DOCK9: variants seen among roughly 807,000 people sequenced by gnomAD.
DOCK9 encodes dedicator of cytokinesis protein 9.
A neutral mutation model predicts 263.3 loss-of-function variants in DOCK9; 89 were observed. The observed-to-expected ratio is 0.34, with a 90% CI of 0.28 to 0.40. The LOEUF (loss-of-function observed/expected upper bound fraction) is 0.40, where lower values mean the gene tolerates loss of function less well. Among genes scored for constraint, DOCK9 ranks in the 10% least tolerant of loss-of-function variants. DOCK9 has a pLI of 1.00. For missense variants in DOCK9, 2,140 were observed against 2,603.4 expected, an observed-to-expected ratio of 0.82 and a Z score of 3.87; for synonymous variants, 976 against 973.1, an observed-to-expected ratio of 1.00 and a Z score of -0.06.
At chr13:98,868,507 T>A in intron 27 of DOCK9, 130 bp from the exon 28 acceptor site, 2 of 1,075,736 alleles carry the variant, frequency 1.9e-6, no homozygotes, top group Non-Finnish European at 2.6e-6. Flanking sequence ...CTCACACTTG[T>A]AACCCCAGCA....
chr13:99,034,201 A>T lies in DOCK9; in HGVS notation c.129+52022T>A, dbSNP rs528298204. Among the ~76,000 whole-genome samples, 7 of 152,152 alleles carry T rather than the reference A, an allele frequency of 4.6e-5. No individual in the cohort carries two copies. The East Asian group carries it at 1.2e-3, about 25-fold the overall frequency. On this transcript the variant is annotated intron_variant, in intron 1 of 32. Transcript: ENST00000427887. Reference sequence around the variant, plus strand: ...GGATGAATTCATTCCAACTGGTTAAAACCATATTCCAAATTTGCTTCCTCC... The same window carrying T: ...GGATGAATTCATTCCAACTGGTTAATACCATATTCCAAATTTGCTTCCTCC...
chr13:98,966,945 C>G (rs2059262204), intron 1 of DOCK9, among the ~76,000 whole-genome samples: 1 of 152,226 alleles, frequency 6.6e-6, no homozygotes, highest in African/African-American at 2.4e-5. Flanking sequence ...TACACATTCA[C>G]CCCAGGCCCA....
At chr13:98,855,578 T>A (rs977677979) in intron 34 of DOCK9, among the ~76,000 whole-genome samples, 2 of 151,784 alleles carry the variant, frequency 1.3e-5, no homozygotes, top group Non-Finnish European at 2.9e-5. Flanking sequence ...TCTCAAAAAA[T>A]AAATAAATAA....
Position 98,867,309 on chromosome 13 carries a change from TTCA to T in DOCK9, c.3286+113_3286+115del, listed in dbSNP as rs1250622531. ...GGAAATTTCATAAGAAAAAAATTAA[TTCA>T]TCAATGAAAAAAATCAGAAAATTCA... On this transcript the variant is annotated intron_variant, in intron 30 of 52. Transcript: ENST00000682017. 8 of 680,662 alleles carry T rather than the reference TTCA, an allele frequency of 1.2e-5. No homozygotes were observed. The African/African-American group carries it at 1.5e-4, about 12-fold the overall frequency. 42.2% of individuals were successfully genotyped at this position (680,662 alleles called of 1,614,324 possible).
intron 1 of DOCK9, chr13:99,015,540 A>G (rs1444897382): frequency 6.3e-7 from 1 of 1,598,228 alleles, no homozygotes; most frequent in Non-Finnish European, 8.5e-7. Flanking sequence ...GTTTGCACAT[A>G]TAAGCACAGT....
At chr13:98,945,575 G>C (rs1771617679) in intron 2 of DOCK9, among the ~76,000 whole-genome samples, 1 of 151,914 alleles carries the variant, frequency 6.6e-6, no homozygotes, top group African/African-American at 2.4e-5. Context: ...TAGGACCTTG[G>C]GTCACTCACT....
At chr13:98,934,730 C>A (rs1460504596) in intron 2 of DOCK9, among the ~76,000 whole-genome samples, 1 of 152,148 alleles carries the variant, frequency 6.6e-6, no homozygotes, top group Non-Finnish European at 1.5e-5. Flanking sequence ...CAAGTCAATG[C>A]CACGAAAGAG....
intron 38 of DOCK9, 73 bp from the exon 39 acceptor site, chr13:98,837,682 G>A (rs1449610570): frequency 2.1e-6 from 2 of 935,224 alleles, no homozygotes; most frequent in Non-Finnish European, 3.1e-6. Flanking sequence ...GGTAGGCACA[G>A]TCAACTTTTG....
intron 1 of DOCK9, among the ~76,000 whole-genome samples, chr13:98,995,183 G>A (rs758708788): frequency 5.9e-5 from 9 of 152,188 alleles, no homozygotes; most frequent in Non-Finnish European, 7.3e-5. Flanking sequence ...GGAAATCTTT[G>A]TTTGCAGACT....
chr13:99,021,373 C>T (rs890717185), intron 1 of DOCK9, among the ~76,000 whole-genome samples: 1 of 152,184 alleles, frequency 6.6e-6, no homozygotes. Context: ...GGCGTGGTGG[C>T]TCATGCCTGT....
chr13:98,885,468 T>C lies in DOCK9; in HGVS notation c.2260+240A>G, dbSNP rs943616377. On this transcript the variant is annotated intron_variant, in intron 20 of 52. Transcript: ENST00000682017. ...AAAAATACAAAAATTAGCCAGTGGG[T>C]GTGGTGCGTGCCTGTAGTCCCAGCT... 8 of 540,518 alleles carry C rather than the reference T, an allele frequency of 1.5e-5. No individual in the cohort carries two copies. In the East Asian group the frequency reaches 3.1e-4, roughly 21 times the overall value. 33.5% of individuals were successfully genotyped at this position (540,518 alleles called of 1,614,324 possible). A position where few individuals can be genotyped will look rare whatever the true frequency, so the allele number is the denominator to read the frequency against.
intron 34 of DOCK9, 34 bp downstream of exon 34, chr13:98,855,864 T>C: frequency 6.2e-7 from 1 of 1,611,220 alleles, no homozygotes; most frequent in African/African-American, 1.3e-5. Flanking sequence ...CCATTGATTA[T>C]AAGAAACATT....
rs953252676 is a variant in DOCK9, at chr13:99,003,663, T to C, written c.130-48112A>G. On this transcript the variant is annotated intron_variant, in intron 1 of 32. Coordinates refer to the DOCK9 transcript ENST00000427887. ...AAATACCAACACTCTTGACTCCTTGTCTCTTATTTAACTGCCAAATCTCTC... is the reference window on the plus strand; with the variant it reads ...AAATACCAACACTCTTGACTCCTTGCCTCTTATTTAACTGCCAAATCTCTC... Among the ~76,000 whole-genome samples, 12 of 127,032 alleles carry C rather than the reference T, an allele frequency of 9.4e-5. 1 individual carries two copies. Among genetic ancestry groups the C allele is most frequent in the Non-Finnish European group, 3.5e-5 (2 of 57,620 alleles). 83.3% of individuals were successfully genotyped at this position (127,032 alleles called of 152,430 possible).
chr13:98,892,561 C>T (rs2046784450), intron 15 of DOCK9, among the ~76,000 whole-genome samples: 1 of 152,164 alleles, frequency 6.6e-6, no homozygotes, highest in Non-Finnish European at 1.5e-5. Context: ...ACAAAAACCA[C>T]TGAGTTTATG....
chr13:98,896,997 C>A (rs983900373), intron 15 of DOCK9, among the ~76,000 whole-genome samples: 6 of 152,170 alleles, frequency 3.9e-5, no homozygotes, highest in African/African-American at 1.4e-4. Flanking sequence ...CATGTGAGGC[C>A]AGAGGCAGAG....
chr13:99,079,800 G>A (rs1297597164), intron 1 of DOCK9, among the ~76,000 whole-genome samples: 2 of 152,142 alleles, frequency 1.3e-5, no homozygotes, highest in African/African-American at 4.8e-5. Flanking sequence ...TGCACTTTGG[G>A]ATGCCGAAGT....
intron 1 of DOCK9, among the ~76,000 whole-genome samples, chr13:99,003,911 A>G (rs750260442): frequency 1.3e-5 from 2 of 152,198 alleles, no homozygotes; most frequent in Non-Finnish European, 2.9e-5. Context: ...ATACAGGAAT[A>G]AAGTTCCAAC....
intron 10 of DOCK9, 106 bp from the exon 11 acceptor site, chr13:98,903,218 A>G (rs2048555926): frequency 3.4e-6 from 3 of 871,682 alleles, no homozygotes; most frequent in South Asian, 2.2e-5. Flanking sequence ...AGCTATATAC[A>G]CTTATTTACT....
Position 98,848,626 on chromosome 13 carries a change from G to A in DOCK9, c.4027C>T (p.Gln1343Ter). ...FFTISEVCLHQFQYMGKRYIA... is the reference protein window; with the variant it reads ...FFTISEVCLH Reference sequence around the variant, plus strand: ...TATCGCTTCCCCATGTACTGGAACTGGTGCAGGCAGACTCTGCAGGCAAGA... The same window carrying A: ...TATCGCTTCCCCATGTACTGGAACTAGTGCAGGCAGACTCTGCAGGCAAGA... The change falls in exon 37 of 53, where the codon CAG becomes TAG. Residue 1343 changes from glutamine (Q) to a stop codon, truncating the protein, a stop_gained. Coordinates refer to ENST00000682017, the MANE Select transcript of DOCK9 (RefSeq NM_001366683.2). LOFTEE classifies it high-confidence loss of function. The A allele has an allele frequency of 6.2e-7, 1 of 1,612,518 alleles. No individual in the cohort carries two copies. The highest frequency in any genetic ancestry group is 8.5e-7 in the Non-Finnish European group (1 of 1,179,448).
Sources: allele counts gnomAD v4.1 joint callset (sites outside exome capture counted in the v4.1 genomes callset), GRCh38; gene constraint gnomAD v4.1.1; transcripts MANE v1.5; gene names NCBI Gene and HGNC (gene_info 2026-07-23, HGNC 2026-07-21).